Variants in LRRC8A observed in about 807,000 individuals in gnomAD.
LRRC8A encodes the protein volume-regulated anion channel subunit LRRC8A.
LRRC8A carries 24 observed loss-of-function variants against 52.5 expected under a neutral mutation model. That is an observed-to-expected ratio of 0.46 (90% CI 0.33 to 0.64). LRRC8A has a LOEUF of 0.64. LRRC8A is among the 30% of genes least tolerant of loss of function. The pLI is 0.02. For missense variants in LRRC8A, 677 were observed against 1,094.7 expected, an observed-to-expected ratio of 0.62 and a Z score of 5.38; for synonymous variants, 492 against 494.2, an observed-to-expected ratio of 1.00 and a Z score of 0.06.
rs1291810303 is a variant in LRRC8A at position 128,902,333 on chromosome 9, G to A, written c.-8-4824G>A. Among the ~76,000 whole-genome samples the A allele has an allele frequency of 6.6e-6, 1 of 152,190 alleles. No individual in the cohort carries two copies. The highest frequency in any genetic ancestry group is 1.5e-5 in the Non-Finnish European group (1 of 68,030). ...CGGTGTTTCCTGCCTTGGGCAGGTG[G>A]TTTTGCCTCTGTGAGCCTCAGTTTC... is the stretch of plus-strand genomic sequence containing the variant. On this transcript the variant is annotated intron_variant, in intron 2 of 3. Transcript: ENST00000372600. The surrounding 1 kb of genome is among the most constrained non-coding windows in gnomAD (Gnocchi z 4.1).
rs1839057812 is a variant in LRRC8A at position 128,882,208 on chromosome 9, G to C, written c.-158G>C. 1 of 153,184 alleles carries C rather than the reference G, an allele frequency of 6.5e-6. No individual in the cohort carries two copies. 9.5% of individuals were successfully genotyped at this position (153,184 alleles called of 1,614,324 possible). ...GCCGGCGGCGGGACGGAGCGGCCGG[G>C]GCCTGGGGCTGCCTGCCGGGCGGCC... On this transcript the variant is annotated 5_prime_UTR_variant, in exon 1 of 4. Coordinates refer to ENST00000372600, the MANE Select transcript of LRRC8A (RefSeq NM_019594.4).
In LRRC8A at chr9:128,908,228, C is replaced by T. The variant is rs150868273; in HGVS notation, c.1064C>T (p.Ser355Leu). 57 of 1,614,080 alleles carry T rather than the reference C, an allele frequency of 3.5e-5. No homozygotes were observed. The highest frequency in any genetic ancestry group is 3.3e-4 in the Middle Eastern group (2 of 6,062). The change falls in exon 3 of 4, where the codon TCG becomes TTG. Residue 355 changes from serine to leucine, a missense_variant. Physicochemically the swap from Ser to Leu is moderately radical, Grantham distance 145 (BLOSUM62 -2). This residue lies in a region of LRRC8A where 422 missense variants were observed against 741.5 expected (regional missense o/e 0.57). Coordinates refer to ENST00000372600, the MANE Select transcript of LRRC8A (RefSeq NM_019594.4). ...TCCCTCAAGAAGTACTCGTTTGAGT[C>T]GATCCGTGAGGAGAGCAGCTACAGC... ...RRSLKKYSFE[S>L]IREESSYSDI...
intron 2 of LRRC8A, among the ~76,000 whole-genome samples, chr9:128,895,029 G>C (rs559118674): frequency 6.6e-6 from 1 of 152,138 alleles, no homozygotes; most frequent in South Asian, 2.1e-4. Flanking sequence ...CCCAGGCCCT[G>C]GTATCCCTTC....
At chr9:128,890,438 C>T (rs1839570239) in intron 2 of LRRC8A, among the ~76,000 whole-genome samples, 1 of 152,178 alleles carries the variant, frequency 6.6e-6, no homozygotes, top group Non-Finnish European at 1.5e-5. Context: ...CCATAGCTTT[C>T]ACGTGCCACC....
Position 128,892,255 on chromosome 9 carries a change from C to T in LRRC8A, c.-9+6134C>T, listed in dbSNP as rs1839653063. Among the ~76,000 whole-genome samples, 1 of 152,230 alleles carries T rather than the reference C, an allele frequency of 6.6e-6. No individual in the cohort carries two copies. The highest frequency in any genetic ancestry group is 2.4e-5 in the African/African-American group (1 of 41,470). ...GGTCAGTAACTGGGCGCTCCTGCCC[C>T]AGCCTGGCAGGGCGAGGGCAGGTCC... On this transcript the variant is annotated intron_variant, in intron 2 of 3. Coordinates refer to ENST00000372600, the MANE Select transcript of LRRC8A (RefSeq NM_019594.4). The surrounding 1 kb of genome is among the most constrained non-coding windows in gnomAD (Gnocchi z 5.2).
chr9:128,882,155 C>A lies in LRRC8A; in HGVS notation c.-211C>A, dbSNP rs1029798817. 2.6e-5 allele frequency: 4 copies of A among 152,512 alleles called. No homozygotes were observed. The highest frequency in any genetic ancestry group is 9.6e-5 in the African/African-American group (4 of 41,456). 9.4% of individuals were successfully genotyped at this position (152,512 alleles called of 1,614,324 possible). On this transcript the variant is annotated 5_prime_UTR_variant, in exon 1 of 4. Transcript: ENST00000372600. ...GCTGAGTGGTGCAGTGAGGGACAAA[C>A]AAAAGGAGGCGCCGGAGCAGCGCTG...
chr9:128,901,471 T>A (rs1377557839), intron 2 of LRRC8A, among the ~76,000 whole-genome samples: 1 of 151,012 alleles, frequency 6.6e-6, no homozygotes, highest in African/African-American at 2.4e-5. Context: ...AAAAAAAAAA[T>A]TTTTTTTTAC....
In LRRC8A at chr9:128,916,058, C is replaced by T; in HGVS notation, c.2158-38C>T. 1 of 1,569,766 alleles carries T rather than the reference C, an allele frequency of 6.4e-7. No homozygotes were observed. Among genetic ancestry groups the T allele is most frequent in the Non-Finnish European group, 8.7e-7 (1 of 1,153,454 alleles). On this transcript the variant is annotated intron_variant, in intron 3 of 3. Coordinates refer to ENST00000372600, the MANE Select transcript of LRRC8A (RefSeq NM_019594.4). This position sits in a 1 kb window ranked among gnomAD's most constrained non-coding sequence, Gnocchi z 6.1. ...AGCCCAGAGGCCCCGTCCAAGCCCA[C>T]ACCCACCTCACTCTCACCCCTGCTT... is the stretch of plus-strand genomic sequence containing the variant.
At chr9:128,912,077 TTGTTA>T (rs1297967633) in intron 3 of LRRC8A, among the ~76,000 whole-genome samples, 1 of 152,164 alleles carries the variant, frequency 6.6e-6, no homozygotes, top group Admixed American at 6.5e-5. Context: ...TGTGTGCAAA[TTGTTA>T]TGTTTTGTTT....
At chr9:128,883,011 C>G (rs940232835) in intron 1 of LRRC8A, 24 of 375,770 alleles carry the variant, frequency 6.4e-5, no homozygotes, top group African/African-American at 2.9e-4. Context: ...TGCTTCTTCC[C>G]CTTGATCTGG....
chr9:128,885,872 A>G (rs922625503), intron 1 of LRRC8A, 143 bp from the exon 2 acceptor site: 1 of 152,174 alleles, frequency 6.6e-6, no homozygotes, highest in Non-Finnish European at 1.5e-5. Flanking sequence ...TTGCACCACT[A>G]TACAAAAAAA....
rs575468891 is a variant in LRRC8A, at chr9:128,890,320, A to G, written c.-9+4199A>G. ...TGCGTCTTGCAGCAAGTTTGTCTACATCTAAACGTCTCTTGAGGGCTTAAA... is the reference window on the plus strand; with the variant it reads ...TGCGTCTTGCAGCAAGTTTGTCTACGTCTAAACGTCTCTTGAGGGCTTAAA... On this transcript the variant is annotated intron_variant, in intron 2 of 3. Transcript: ENST00000372600. Among the ~76,000 whole-genome samples, 5 of 152,198 alleles carry G rather than the reference A, an allele frequency of 3.3e-5. No individual in the cohort carries two copies. In the South Asian group the frequency reaches 8.3e-4, roughly 25 times the overall value.
Position 128,914,678 on chromosome 9 carries a change from A to G in LRRC8A, c.2158-1418A>G, listed in dbSNP as rs934255819. The stretch of plus-strand genomic sequence containing the variant: ...AGAAGGGCTGCTGTGCCATCTCCCC[A>G]TCATCCTCACTTGGGATCAAGGCCC... On this transcript the variant is annotated intron_variant, in intron 3 of 3. Coordinates refer to ENST00000372600, the MANE Select transcript of LRRC8A (RefSeq NM_019594.4). 7.9e-5 allele frequency among the ~76,000 whole-genome samples: 12 copies of G among 152,328 alleles called. No individual in the cohort carries two copies. The East Asian group carries it at 2.1e-3, about 27-fold the overall frequency.
chr9:128,886,318 A>G (rs542969855), intron 2 of LRRC8A, among the ~76,000 whole-genome samples, 197 bp downstream of exon 2: 1 of 152,298 alleles, frequency 6.6e-6, no homozygotes, highest in African/African-American at 2.4e-5. Context: ...TGCCGCACTC[A>G]TTGAATGCTG....
intron 2 of LRRC8A, among the ~76,000 whole-genome samples, chr9:128,894,989 A>G (rs1481134118): frequency 2.0e-5 from 3 of 152,122 alleles, no homozygotes; most frequent in Non-Finnish European, 4.4e-5. Context: ...CTCTGCACCC[A>G]TTAAACGCTC....
intron 1 of LRRC8A, among the ~76,000 whole-genome samples, chr9:128,884,408 C>G (rs142614431): frequency 1.3e-5 from 2 of 152,294 alleles, no homozygotes; most frequent in Non-Finnish European, 2.9e-5. Flanking sequence ...TTCATTCATT[C>G]ATTCATTCAT....
At chr9:128,884,237 G>T (rs946223616) in intron 1 of LRRC8A, among the ~76,000 whole-genome samples, 1 of 152,170 alleles carries the variant, frequency 6.6e-6, no homozygotes, top group Non-Finnish European at 1.5e-5. Flanking sequence ...AGGGAAATCA[G>T]CCTGGTTCCT....
At chr9:128,886,408 G>A (rs918859596) in intron 2 of LRRC8A, among the ~76,000 whole-genome samples, 3 of 152,178 alleles carry the variant, frequency 2.0e-5, no homozygotes, top group African/African-American at 7.2e-5. Context: ...GCAGCCTCAT[G>A]ACCACATTTC....
chr9:128,894,971 C>G (rs995346960), intron 2 of LRRC8A, among the ~76,000 whole-genome samples: 7 of 152,250 alleles, frequency 4.6e-5, no homozygotes, highest in African/African-American at 1.7e-4. Context: ...TCTTGCAAAA[C>G]TGAAACTCTC....
Sources: gnomAD v4.1 joint callset for allele counts (sites outside exome capture counted in the v4.1 genomes callset) on GRCh38, gnomAD v4.1.1 for gene constraint, gnomAD v4.1.1 regional missense constraint, Gnocchi (gnomAD v3.1) non-coding constraint, MANE v1.5 for transcripts, NCBI Gene and HGNC (gene_info 2026-07-23, HGNC 2026-07-21) for gene names.